Variants in DNMT3B observed in about 807,000 individuals in gnomAD.
DNMT3B encodes the protein DNA (cytosine-5)-methyltransferase 3B.
A neutral mutation model predicts 120.2 loss-of-function variants in DNMT3B; 37 were observed. The observed-to-expected ratio is 0.31, with a 90% CI of 0.24 to 0.40. DNMT3B has a LOEUF of 0.40. Among genes scored for constraint, DNMT3B ranks in the 10% least tolerant of loss-of-function variants. The probability of loss-of-function intolerance (pLI) is 1.00; values close to 1 mark genes in which losing one functional copy is unlikely to be tolerated. For synonymous variants in DNMT3B, 412 were observed against 442.8 expected (o/e 0.93, Z 0.87); for missense variants, 878 against 1,137.3 (o/e 0.77, Z 3.28).
intron 1 of DNMT3B, among the ~76,000 whole-genome samples, chr20:32,775,219 TACTC>T (rs1988007738): frequency 6.6e-6 from 1 of 152,226 alleles, no homozygotes; most frequent in South Asian, 2.1e-4. Flanking sequence ...TTTAAATCAA[TACTC>T]TCCACTGAAT....
chr20:32,805,507 C>T, intron 21 of DNMT3B, 100 bp downstream of exon 21: 1 of 1,379,162 alleles, frequency 7.3e-7, no homozygotes, highest in East Asian at 2.3e-5. Flanking sequence ...ACTCCTCCCC[C>T]CACGTGACTT....
Position 32,809,222 on chromosome 20 carries a change from G to A in DNMT3B, c.*1319G>A, listed in dbSNP as rs1193766072. The A allele has an allele frequency of 4.7e-6, 1 of 213,482 alleles. No individual in the cohort carries two copies. The allele number at this position is 213,482 out of a possible 1,614,324, so 13.2% of individuals were successfully genotyped here. A position where few individuals can be genotyped will look rare whatever the true frequency, so the allele number is the denominator to read the frequency against. ...TAACGTTTTCATTAAAATTTTTTTT[G>A]TAACTGGAGCCACGACGTAACAAAT... On this transcript the variant is annotated 3_prime_UTR_variant, in exon 23 of 23. Transcript: ENST00000328111.
intron 9 of DNMT3B, among the ~76,000 whole-genome samples, 183 bp from the exon 10 acceptor site, chr20:32,793,353 G>C (rs1282019022): frequency 6.6e-6 from 1 of 152,210 alleles, no homozygotes; most frequent in African/African-American, 2.4e-5. Context: ...TGTGGTCCCA[G>C]CTACCCGGGA....
At chr20:32,794,622 G>T (rs922013615) in intron 10 of DNMT3B, among the ~76,000 whole-genome samples, 8 of 152,060 alleles carry the variant, frequency 5.3e-5, no homozygotes, top group Admixed American at 3.3e-4. Flanking sequence ...CAAGATCCAC[G>T]TCATTGCCCT....
At chr20:32,782,687 G>A (rs776800212) in intron 3 of DNMT3B, among the ~76,000 whole-genome samples, 13 of 152,040 alleles carry the variant, frequency 8.6e-5, no homozygotes, top group Non-Finnish European at 1.3e-4. Flanking sequence ...GTTAATCTGT[G>A]CCTAATTTAT....
At chr20:32,780,153 G>T (rs756282732) in intron 1 of DNMT3B, 165 bp from the exon 2 acceptor site, 1 of 1,613,746 alleles carries the variant, frequency 6.2e-7, no homozygotes. Context: ...TTGGTGAGGG[G>T]GAGGCTATGG....
chr20:32,802,565 G>A, intron 20 of DNMT3B, 95 bp downstream of exon 20: 2 of 1,282,854 alleles, frequency 1.6e-6, no homozygotes, highest in Non-Finnish European at 2.3e-6. Context: ...ACCTGGCTCT[G>A]CTGAGAAATA....
intron 14 of DNMT3B, among the ~76,000 whole-genome samples, chr20:32,798,095 C>A (rs1169244215): frequency 6.6e-6 from 1 of 152,126 alleles, no homozygotes; most frequent in East Asian, 1.9e-4. Flanking sequence ...GTGTGAGCCA[C>A]CACACCCAGC....
At chr20:32,805,638 G>A (rs1385696801) in intron 21 of DNMT3B, among the ~76,000 whole-genome samples, 1 of 152,152 alleles carries the variant, frequency 6.6e-6, no homozygotes, top group Non-Finnish European at 1.5e-5. Flanking sequence ...TTTAATTTTA[G>A]TACTGGATAC....
At chr20:32,787,086 G>T in intron 5 of DNMT3B, 144 bp from the exon 6 acceptor site, 1 of 959,030 alleles carries the variant, frequency 1.0e-6, no homozygotes, top group Non-Finnish European at 1.7e-6. Context: ...CGTGTTCCTG[G>T]AAAAGTTTCT....
chr20:32,785,485 G>A (rs1979164170), intron 4 of DNMT3B, among the ~76,000 whole-genome samples: 1 of 152,158 alleles, frequency 6.6e-6, no homozygotes, highest in Admixed American at 6.5e-5. Context: ...TTCTGTGGGT[G>A]GATTTTGTGC....
At chr20:32,789,656 C>T (rs112363793) in intron 7 of DNMT3B, among the ~76,000 whole-genome samples, 3,504 of 152,166 alleles carry the variant, frequency 0.023, 49 homozygotes, top group Non-Finnish European at 0.035. Context: ...TGCAGTGGTG[C>T]GATCTTGGCT....
intron 8 of DNMT3B, among the ~76,000 whole-genome samples, chr20:32,792,391 A>G (rs1029949134): frequency 2.6e-5 from 4 of 152,150 alleles, no homozygotes; most frequent in African/African-American, 9.7e-5. Context: ...CCTAGGGGGA[A>G]GAGATCCTAT....
At chr20:32,783,679 G>C (rs111701189) in intron 3 of DNMT3B, among the ~76,000 whole-genome samples, 4 of 152,014 alleles carry the variant, frequency 2.6e-5, no homozygotes, top group African/African-American at 7.2e-5. Context: ...CTGGTAGCTA[G>C]TTACCAGAAA....
chr20:32,795,288 G>A, intron 10 of DNMT3B, 121 bp from the exon 11 acceptor site: 1 of 1,484,792 alleles, frequency 6.7e-7, no homozygotes, highest in Non-Finnish European at 9.3e-7. Flanking sequence ...CATTCAGTGT[G>A]GACCCCCTGT....
chr20:32,780,549 GT>G, intron 2 of DNMT3B, 84 bp downstream of exon 2: 4 of 1,557,984 alleles, frequency 2.6e-6, no homozygotes, highest in Non-Finnish European at 3.5e-6. Context: ...TTTGGGGAGA[GT>G]CTCTGACAAC....
intron 1 of DNMT3B, among the ~76,000 whole-genome samples, chr20:32,777,287 C>G (rs1236483326): frequency 1.3e-5 from 2 of 152,078 alleles, no homozygotes; most frequent in African/African-American, 2.4e-5. Context: ...AGGTGTGCTG[C>G]CCACACGTTG....
intron 20 of DNMT3B, among the ~76,000 whole-genome samples, chr20:32,803,192 A>C (rs1405768099): frequency 2.0e-5 from 3 of 152,236 alleles, no homozygotes; most frequent in African/African-American, 7.2e-5. Context: ...TGAAAGCCAC[A>C]AAGCAGCTTT....
At chr20:32,764,225 A>G (rs1987160571) in intron 1 of DNMT3B, among the ~76,000 whole-genome samples, 1 of 152,180 alleles carries the variant, frequency 6.6e-6, no homozygotes, top group African/African-American at 2.4e-5. Context: ...TACATCTGTG[A>G]ATTAGCAATA....
Sources: gnomAD v4.1 joint callset for allele counts (sites outside exome capture counted in the v4.1 genomes callset) on GRCh38, gnomAD v4.1.1 for gene constraint, MANE v1.5 for transcripts, NCBI Gene and HGNC (gene_info 2026-07-23, HGNC 2026-07-21) for gene names.